The following TRIQK variants were observed in gnomAD, a reference collection of about 807,000 sequenced individuals.
TRIQK encodes triple QxxK/R motif-containing protein.
TRIQK carries 10 observed loss-of-function variants against 10.8 expected under a neutral mutation model. That is an observed-to-expected ratio of 0.92 (90% CI 0.57 to 1.57). The LOEUF is 1.57. Among genes scored for constraint, TRIQK ranks in the 40% most tolerant of loss-of-function variants. The probability of loss-of-function intolerance (pLI) is 0.00; values close to 1 mark genes in which losing one functional copy is unlikely to be tolerated. For missense variants in TRIQK, 107 were observed against 97.7 expected, an observed-to-expected ratio of 1.09 and a Z score of -0.40; for synonymous variants, 33 against 33.7, an observed-to-expected ratio of 0.98 and a Z score of 0.07.
At chr8:92,975,295 T>C (rs528135643) in intron 1 of TRIQK, among the ~76,000 whole-genome samples, 1 of 152,216 alleles carries the variant, frequency 6.6e-6, no homozygotes, top group Non-Finnish European at 1.5e-5. Context: ...AATTTTTGTG[T>C]AGAAATCTCC....
At chr8:92,910,407 A>T (rs1017419728) in intron 3 of TRIQK, among the ~76,000 whole-genome samples, 2 of 151,314 alleles carry the variant, frequency 1.3e-5, no homozygotes, top group Admixed American at 1.3e-4. Context: ...AAGAATGAAA[A>T]AGGAAACATA....
chr8:92,935,967 T>C (rs1406211907), intron 2 of TRIQK, among the ~76,000 whole-genome samples: 2 of 151,648 alleles, frequency 1.3e-5, no homozygotes, highest in Admixed American at 6.6e-5. Flanking sequence ...AAATAAGACA[T>C]ACACACACAA....
chr8:92,961,061 G>A (rs62520795), intron 1 of TRIQK, among the ~76,000 whole-genome samples: 7,257 of 152,136 alleles, frequency 0.048, 295 homozygotes, highest in African/African-American at 0.1. Flanking sequence ...ATAACTCCCC[G>A]AAATGTTCTT....
At chr8:92,911,677 TGAA>T (rs1037517559) in intron 3 of TRIQK, among the ~76,000 whole-genome samples, 1 of 150,986 alleles carries the variant, frequency 6.6e-6, no homozygotes, top group African/African-American at 2.4e-5. Context: ...TTACAAGAGA[TGAA>T]GAAGGTCATT....
intron 3 of TRIQK, among the ~76,000 whole-genome samples, chr8:92,894,578 T>A (rs539193515): frequency 6.6e-6 from 1 of 152,224 alleles, no homozygotes; most frequent in South Asian, 2.1e-4. Context: ...GCTCATTAAA[T>A]CTTATGTGGA....
chr8:93,001,953 T>C (rs1813215228), intron 1 of TRIQK, among the ~76,000 whole-genome samples: 1 of 152,174 alleles, frequency 6.6e-6, no homozygotes, highest in South Asian at 2.1e-4. Context: ...TGTAATGGTA[T>C]AAAACTAGAA....
chr8:92,935,718 A>G (rs1438907101), intron 2 of TRIQK, among the ~76,000 whole-genome samples: 1 of 151,592 alleles, frequency 6.6e-6, no homozygotes, highest in African/African-American at 2.4e-5. Context: ...CGGAATAAGA[A>G]AAAAATACAC....
At chr8:92,928,099 A>G (rs564676807) in intron 2 of TRIQK, 1 of 152,346 alleles carries the variant, frequency 6.6e-6, no homozygotes, top group South Asian at 2.1e-4. Flanking sequence ...AGAGGGAAGG[A>G]AATAGCAGGA....
chr8:92,935,093 C>T (rs1810916098), intron 2 of TRIQK, among the ~76,000 whole-genome samples: 1 of 151,708 alleles, frequency 6.6e-6, no homozygotes, highest in South Asian at 2.1e-4. Context: ...CTAATTCCCA[C>T]TCTATCAAAT....
At chr8:93,005,509 T>C (rs1813259583) in intron 1 of TRIQK, among the ~76,000 whole-genome samples, 1 of 152,080 alleles carries the variant, frequency 6.6e-6, no homozygotes, top group Admixed American at 6.5e-5. Context: ...CATGGTTCAA[T>C]ATACACAAAT....
rs558836529 is a variant in TRIQK at position 93,014,269 on chromosome 8, T to C, written c.-181+3340A>G. Among the ~76,000 whole-genome samples the C allele has an allele frequency of 2.6e-5, 4 of 152,230 alleles. No homozygotes were observed. In the South Asian group the frequency reaches 8.3e-4, roughly 32 times the overall value. On this transcript the variant is annotated intron_variant, in intron 1 of 4. Coordinates refer to the TRIQK transcript ENST00000520686. ...TAAATTAGGCATTACTGTGACCCAC[T>C]ACTTTCTCTTTAATATTCCTTTCAA...
intron 3 of TRIQK, among the ~76,000 whole-genome samples, chr8:92,906,636 T>C (rs992608705): frequency 2.0e-5 from 3 of 151,568 alleles, no homozygotes; most frequent in Admixed American, 6.6e-5. Context: ...TTATCAAAAT[T>C]TTAAAAACAT....
chr8:92,985,379 A>G (rs1813021871), intron 1 of TRIQK, among the ~76,000 whole-genome samples: 1 of 152,152 alleles, frequency 6.6e-6, no homozygotes, highest in African/African-American at 2.4e-5. Context: ...CATTCCTCCT[A>G]GCTCCTGGAT....
At chr8:92,901,884 T>G (rs1282941394) in intron 3 of TRIQK, among the ~76,000 whole-genome samples, 1 of 152,140 alleles carries the variant, frequency 6.6e-6, no homozygotes, top group Non-Finnish European at 1.5e-5. Flanking sequence ...GGCTTTTCCT[T>G]GTTGAAAGAT....
chr8:93,000,199 T>C (rs564578756), intron 1 of TRIQK, among the ~76,000 whole-genome samples: 1 of 152,306 alleles, frequency 6.6e-6, no homozygotes, highest in Admixed American at 6.5e-5. Context: ...AACTTTCTAG[T>C]ATGAAAGTTA....
chr8:93,003,158 A>G (rs1413242061), intron 1 of TRIQK, among the ~76,000 whole-genome samples: 1 of 152,066 alleles, frequency 6.6e-6, no homozygotes, highest in Non-Finnish European at 1.5e-5. Context: ...CTGTTCTCAC[A>G]CTGCTATAAA....
At chr8:93,009,276 T>C (rs1006679217) in intron 1 of TRIQK, among the ~76,000 whole-genome samples, 9 of 152,070 alleles carry the variant, frequency 5.9e-5, no homozygotes, top group Non-Finnish European at 1.2e-4. Context: ...AAAACAATAA[T>C]GAAATATTAC....
At chr8:93,001,998 T>A (rs1191479993) in intron 1 of TRIQK, among the ~76,000 whole-genome samples, 1 of 152,074 alleles carries the variant, frequency 6.6e-6, no homozygotes, top group Non-Finnish European at 1.5e-5. Context: ...TACAAATACA[T>A]GGAAATTAAG....
chr8:92,928,327 G>A (rs1406091232), intron 2 of TRIQK, among the ~76,000 whole-genome samples: 2 of 152,156 alleles, frequency 1.3e-5, no homozygotes, highest in African/African-American at 2.4e-5. Context: ...ATCCCTCCAG[G>A]AAAGGTCAGC....
Sources: gnomAD v4.1 joint callset for allele counts (sites outside exome capture counted in the v4.1 genomes callset) on GRCh38, gnomAD v4.1.1 for gene constraint, MANE v1.5 for transcripts, NCBI Gene and HGNC (gene_info 2026-07-23, HGNC 2026-07-21) for gene names.